ADARB2: variants seen among roughly 807,000 people sequenced by gnomAD.
ADARB2 encodes adenosine deaminase RNA specific B2 (inactive), also known as inactive double-stranded RNA-specific editase B2.
Under a neutral mutation model 62.2 loss-of-function variants are expected in ADARB2, and 25 were observed. That is an observed-to-expected ratio of 0.40 (90% CI 0.29 to 0.56). The LOEUF (loss-of-function observed/expected upper bound fraction) is 0.56. ADARB2 is among the 20% of genes least tolerant of loss of function. ADARB2 has a pLI of 0.43. For missense variants in ADARB2, 1,071 were observed against 1,077.4 expected (o/e 0.99, Z 0.08); for synonymous variants, 572 against 500.8 (o/e 1.14, Z -1.90).
At chr10:1,726,809 G>T (rs900270846) in intron 1 of ADARB2, among the ~76,000 whole-genome samples, 1 of 150,076 alleles carries the variant, frequency 6.7e-6, no homozygotes, top group African/African-American at 2.4e-5. Flanking sequence ...GGAGGAGTGT[G>T]GGGAGGAGTG....
At chr10:1,304,469 G>A (rs1439331244) in intron 3 of ADARB2, among the ~76,000 whole-genome samples, 2 of 152,120 alleles carry the variant, frequency 1.3e-5, no homozygotes, top group African/African-American at 4.8e-5. Context: ...AGATCAAGGA[G>A]ACAGAAAGTC....
chr10:1,339,007 G>T (rs180869416), intron 3 of ADARB2, among the ~76,000 whole-genome samples: 6 of 152,200 alleles, frequency 3.9e-5, no homozygotes, highest in Non-Finnish European at 7.3e-5. Context: ...TCAAAGCATC[G>T]CTTCTCTTGA....
chr10:1,570,578 T>C (rs922280841), intron 1 of ADARB2, among the ~76,000 whole-genome samples: 2 of 152,346 alleles, frequency 1.3e-5, no homozygotes, highest in Non-Finnish European at 2.9e-5. Context: ...CCTCAGATCA[T>C]GTGGCAGTCT....
chr10:1,300,815 A>G (rs1476701872), intron 3 of ADARB2, among the ~76,000 whole-genome samples: 1 of 152,216 alleles, frequency 6.6e-6, no homozygotes, highest in Non-Finnish European at 1.5e-5. Context: ...TCCATGAGAT[A>G]TTACAACCCC....
intron 3 of ADARB2, among the ~76,000 whole-genome samples, chr10:1,316,525 C>A (rs1181868802): frequency 2.6e-5 from 4 of 152,192 alleles, no homozygotes; most frequent in Admixed American, 6.5e-5. Context: ...CTAAAATAAT[C>A]CCAGTCATTC....
chr10:1,572,494 G>GTTTGT (rs990274763), intron 1 of ADARB2, among the ~76,000 whole-genome samples: 5 of 152,280 alleles, frequency 3.3e-5, no homozygotes, highest in African/African-American at 1.2e-4. Flanking sequence ...CTGTGAGGGT[G>GTTTGT]TTTGTTTTGT....
At chr10:1,654,683 C>T (rs1834153071) in intron 1 of ADARB2, among the ~76,000 whole-genome samples, 1 of 152,220 alleles carries the variant, frequency 6.6e-6, no homozygotes, top group African/African-American at 2.4e-5. Flanking sequence ...ATGGACCGAT[C>T]CCGAAGTGCA....
At chr10:1,243,915 G>A (rs1589163835) in intron 4 of ADARB2, among the ~76,000 whole-genome samples, 1 of 152,216 alleles carries the variant, frequency 6.6e-6, no homozygotes, top group South Asian at 2.1e-4. Context: ...CTGGTGGGAC[G>A]GGACTGCTCC....
intron 3 of ADARB2, among the ~76,000 whole-genome samples, chr10:1,339,138 T>A (rs138903084): frequency 1.8e-4 from 28 of 152,356 alleles, no homozygotes; most frequent in African/African-American, 6.0e-4. Flanking sequence ...CCACGCCCTG[T>A]GCTGAGCCGA....
At chr10:1,510,110 C>CTCTCTCTTTCGTTCTT (rs1554767637) in intron 1 of ADARB2, among the ~76,000 whole-genome samples, 2 of 106,184 alleles carry the variant, frequency 1.9e-5, no homozygotes, top group Non-Finnish European at 3.8e-5. Context: ...CTTTCTTTCT[C>CTCTCTCTTTCGTTCTT]TCTTTCTTTC....
chr10:1,509,206 A>G (rs1171613456), intron 1 of ADARB2, among the ~76,000 whole-genome samples: 3 of 152,166 alleles, frequency 2.0e-5, no homozygotes, highest in Admixed American at 6.5e-5. Context: ...AAAATGATCA[A>G]TCTCTTTGAC....
chr10:1,736,345 C>T (rs1351290527), intron 1 of ADARB2, among the ~76,000 whole-genome samples: 1 of 152,200 alleles, frequency 6.6e-6, no homozygotes, highest in African/African-American at 2.4e-5. Flanking sequence ...CGCGGCCCAG[C>T]CCCAGGAATA....
At chr10:1,484,023 C>G (rs1275494553) in intron 1 of ADARB2, among the ~76,000 whole-genome samples, 1 of 152,136 alleles carries the variant, frequency 6.6e-6, no homozygotes, top group Non-Finnish European at 1.5e-5. Context: ...ATTGACTTTG[C>G]CTTCCTATTT....
chr10:1,286,033 GC>G (rs1831410343), intron 3 of ADARB2, among the ~76,000 whole-genome samples: 1 of 145,290 alleles, frequency 6.9e-6, no homozygotes, highest in East Asian at 2.2e-4. Flanking sequence ...GAGTCCCCAG[GC>G]TCCTTTCCCC....
chr10:1,585,444 C>T (rs1833163248), intron 1 of ADARB2, among the ~76,000 whole-genome samples: 1 of 152,100 alleles, frequency 6.6e-6, no homozygotes, highest in Non-Finnish European at 1.5e-5. Flanking sequence ...TCCCTGTGGA[C>T]AAAGGACAGA....
chr10:1,486,797 A>G (rs1831548737), intron 1 of ADARB2, among the ~76,000 whole-genome samples: 1 of 152,174 alleles, frequency 6.6e-6, no homozygotes, highest in South Asian at 2.1e-4. Flanking sequence ...ACTGCCAGAT[A>G]TTTCAGGAGG....
chr10:1,653,045 G>A (rs577751836), intron 1 of ADARB2, among the ~76,000 whole-genome samples: 21 of 152,324 alleles, frequency 1.4e-4, no homozygotes, highest in Non-Finnish European at 2.2e-4. Flanking sequence ...CCCAATCACA[G>A]AGTGCTTGGA....
chr10:1,487,906 GAAAC>G (rs71379133), intron 1 of ADARB2, among the ~76,000 whole-genome samples: 18,562 of 151,848 alleles, frequency 0.12, 1,654 homozygotes, highest in Admixed American at 0.3. Flanking sequence ...AAGAAAAAAG[GAAAC>G]AAACAAACAA....
chr10:1,343,966 C>T (rs1564263348), intron 3 of ADARB2, among the ~76,000 whole-genome samples: 1 of 152,076 alleles, frequency 6.6e-6, no homozygotes, highest in Non-Finnish European at 1.5e-5. Context: ...ACACCAAACC[C>T]CCACAACACA....
Sources: gnomAD v4.1 joint callset for allele counts (sites outside exome capture counted in the v4.1 genomes callset) on GRCh38, gnomAD v4.1.1 for gene constraint, MANE v1.5 for transcripts, NCBI Gene and HGNC (gene_info 2026-07-23, HGNC 2026-07-21) for gene names.